Variants in ABCC9 observed in about 807,000 individuals in gnomAD.
ABCC9 encodes the protein ATP-binding cassette sub-family C member 9.
ABCC9 carries 95 observed loss-of-function variants against 188.3 expected under a neutral mutation model. That is an observed-to-expected ratio of 0.50 (90% CI 0.43 to 0.60). The LOEUF (loss-of-function observed/expected upper bound fraction) is 0.60. Among genes scored for constraint, ABCC9 ranks in the 20% least tolerant of loss-of-function variants. The pLI is 0.00. For synonymous variants in ABCC9, 659 were observed against 652.7 expected, an observed-to-expected ratio of 1.01 and a Z score of -0.15; for missense variants, 1,102 against 1,876.3, an observed-to-expected ratio of 0.59 and a Z score of 7.62.
At chr12:21,915,627 T>C (rs1485184856) in intron 7 of ABCC9, 41 bp downstream of exon 7, 1 of 1,602,370 alleles carries the variant, frequency 6.2e-7, no homozygotes, top group African/African-American at 1.4e-5. Flanking sequence ...AACAGGACCA[T>C]TCTCTGTAAT....
At chr12:21,810,007 T>C (rs757731192) in intron 36 of ABCC9, 52 bp from the exon 37 acceptor site, 12 of 1,117,012 alleles carry the variant, frequency 1.1e-5, no homozygotes, top group Non-Finnish European at 1.6e-5. Flanking sequence ...TAGAAACTTT[T>C]ATGTATATTT....
chr12:21,830,316 A>G (rs1943684427), intron 30 of ABCC9, among the ~76,000 whole-genome samples: 1 of 152,202 alleles, frequency 6.6e-6, no homozygotes, highest in African/African-American at 2.4e-5. Context: ...GGAAGGCTGG[A>G]TAATATAATA....
chr12:21,899,582 G>T (rs1258836953), intron 12 of ABCC9, among the ~76,000 whole-genome samples: 1 of 152,146 alleles, frequency 6.6e-6, no homozygotes. Flanking sequence ...TGTGACAGAC[G>T]GCACCTGGAA....
chr12:21,939,893 GTT>G (rs1351164622), intron 2 of ABCC9, among the ~76,000 whole-genome samples: 1 of 152,196 alleles, frequency 6.6e-6, no homozygotes, highest in Non-Finnish European at 1.5e-5. Context: ...CACCCTCAGT[GTT>G]TTTATTCCTC....
rs770807767 is a variant in ABCC9 at position 21,844,448 on chromosome 12, T to C, written c.3315+35A>G. 5 of 1,548,130 alleles carry C rather than the reference T, an allele frequency of 3.2e-6. No individual in the cohort carries two copies. In the Admixed American group the frequency reaches 8.3e-5, roughly 26 times the overall value. On this transcript the variant is annotated intron_variant, in intron 28 of 39. Transcript: ENST00000261200. ...TGCTATTTAGCTTACATTGTGAAAC[T>C]AATTTTTGAACTTGGAAGTAACCCA...
chr12:21,825,780 C>T (rs1327264079), intron 31 of ABCC9, among the ~76,000 whole-genome samples: 1 of 151,986 alleles, frequency 6.6e-6, no homozygotes, highest in Non-Finnish European at 1.5e-5. Flanking sequence ...TATCCCAGAA[C>T]TTAAAGTATA....
chr12:21,895,091 G>A (rs147000787), intron 13 of ABCC9, among the ~76,000 whole-genome samples, 184 bp downstream of exon 13: 4 of 152,212 alleles, frequency 2.6e-5, no homozygotes, highest in Non-Finnish European at 5.9e-5. Context: ...AAATTTATTT[G>A]GCTCAAAATG....
intron 16 of ABCC9, among the ~76,000 whole-genome samples, chr12:21,878,491 A>G (rs948776216): frequency 2.0e-5 from 3 of 152,156 alleles, no homozygotes; most frequent in Non-Finnish European, 2.9e-5. Flanking sequence ...ATGGAGTGAC[A>G]GTAGATTAGG....
chr12:21,852,060 A>G lies in ABCC9; in HGVS notation c.2769+37T>C, dbSNP rs199860467. On this transcript the variant is annotated intron_variant, in intron 24 of 39. Transcript: ENST00000261200. ...ATTAGTAAATTTCTAACTCTTCTGA[A>G]TTGGGCTCTGAACTCTTCTGAACTA... 1.2e-3 allele frequency: 1,872 copies of G among 1,612,316 alleles called. 3 individuals carry two copies. The highest frequency in any genetic ancestry group is 1.4e-3 in the Non-Finnish European group (1,652 of 1,179,266).
intron 12 of ABCC9, among the ~76,000 whole-genome samples, chr12:21,899,658 A>G (rs1234158339): frequency 6.6e-6 from 1 of 152,202 alleles, no homozygotes; most frequent in East Asian, 1.9e-4. Context: ...ACACCAGGAC[A>G]TCATATCCCA....
At chr12:21,823,916 T>C (rs762629421) in intron 31 of ABCC9, among the ~76,000 whole-genome samples, 1 of 152,224 alleles carries the variant, frequency 6.6e-6, no homozygotes, top group Non-Finnish European at 1.5e-5. Context: ...ACCAGCCAAA[T>C]TATTTTATTC....
intron 28 of ABCC9, among the ~76,000 whole-genome samples, chr12:21,842,722 T>C (rs958595074): frequency 1.3e-5 from 2 of 152,232 alleles, no homozygotes; most frequent in Non-Finnish European, 2.9e-5. Flanking sequence ...AATGACACTG[T>C]ACTATAAATA....
intron 5 of ABCC9, 109 bp downstream of exon 5, chr12:21,925,833 C>A: frequency 1.7e-6 from 2 of 1,209,398 alleles, no homozygotes; most frequent in South Asian, 1.3e-5. Context: ...ATACTTTCTA[C>A]TCCCCACACA....
At chr12:21,871,264 C>T (rs1244666520) in intron 18 of ABCC9, among the ~76,000 whole-genome samples, 1 of 152,078 alleles carries the variant, frequency 6.6e-6, no homozygotes, top group East Asian at 1.9e-4. Flanking sequence ...CCATCTACTG[C>T]CTGAGGATAG....
At chr12:21,809,016 A>G (rs779030852) in intron 37 of ABCC9, among the ~76,000 whole-genome samples, 44 of 152,122 alleles carry the variant, frequency 2.9e-4, no homozygotes, top group Non-Finnish European at 3.1e-4. Flanking sequence ...TTTATTTTGT[A>G]GGTTGACTTT....
In ABCC9 at chr12:21,829,024, C is replaced by T; in HGVS notation, c.3603G>A (p.Leu1201=). Residue 1201 remains leucine (L), a synonymous_variant, in exon 31 of 40, where the codon CTG becomes CTA. Coordinates refer to ENST00000261200, the MANE Select transcript of ABCC9 (RefSeq NM_020297.4). ...AGTAGGCAATGTTGTTTGTATCCGT[C>T]AGTTCCAGCATACGTTGTTTAAATC... The part of the protein sequence containing the change: ...ETRFKQRMLE[L]TDTNNIAYLF... The T allele has an allele frequency of 6.2e-7, 1 of 1,613,942 alleles. No individual in the cohort carries two copies. The highest frequency in any genetic ancestry group is 8.5e-7 in the Non-Finnish European group (1 of 1,179,968).
intron 17 of ABCC9, 91 bp from the exon 18 acceptor site, chr12:21,872,821 C>A: frequency 1.0e-6 from 1 of 1,002,128 alleles, no homozygotes; most frequent in Non-Finnish European, 1.6e-6. Flanking sequence ...TAATGTTTTA[C>A]AATCAATGGC....
chr12:21,903,491 T>C (rs1162618522), intron 12 of ABCC9, among the ~76,000 whole-genome samples: 1 of 152,150 alleles, frequency 6.6e-6, no homozygotes. Flanking sequence ...AGTCAAATTA[T>C]CCCTGTTTGC....
At chr12:21,867,518 G>A (rs970183692) in intron 18 of ABCC9, among the ~76,000 whole-genome samples, 1 of 152,168 alleles carries the variant, frequency 6.6e-6, no homozygotes, top group Non-Finnish European at 1.5e-5. Context: ...AAGTATTATG[G>A]TTAATAATAT....
Sources: gnomAD v4.1 joint callset for allele counts (sites outside exome capture counted in the v4.1 genomes callset) on GRCh38, gnomAD v4.1.1 for gene constraint, MANE v1.5 for transcripts, NCBI Gene and HGNC (gene_info 2026-07-23, HGNC 2026-07-21) for gene names.